TIAM2: variants seen among roughly 807,000 people sequenced by gnomAD.
TIAM2 encodes rho guanine nucleotide exchange factor TIAM2.
TIAM2 carries 80 observed loss-of-function variants against 152.9 expected under a neutral mutation model. The ratio of observed to expected loss-of-function variants is 0.52; its 90% confidence interval spans 0.44 to 0.63. The LOEUF (loss-of-function observed/expected upper bound fraction) is 0.63, where lower values mean the gene tolerates loss of function less well. Among genes scored for constraint, TIAM2 ranks in the 30% least tolerant of loss-of-function variants. The pLI, the probability that TIAM2 is intolerant of heterozygous loss-of-function variation, is 0.00. For synonymous variants in TIAM2, 804 were observed against 838.0 expected, an observed-to-expected ratio of 0.96 and a Z score of 0.70; for missense variants, 1,965 against 2,120.1, an observed-to-expected ratio of 0.93 and a Z score of 1.44.
intron 14 of TIAM2, among the ~76,000 whole-genome samples, chr6:155,194,002 G>C (rs1448327500): frequency 6.6e-6 from 1 of 152,186 alleles, no homozygotes; most frequent in Non-Finnish European, 1.5e-5. Flanking sequence ...GTGACCCCAG[G>C]AGTCTACAGA....
intron 2 of TIAM2, among the ~76,000 whole-genome samples, chr6:155,107,610 CA>C (rs1778727204): frequency 6.6e-6 from 1 of 152,176 alleles, no homozygotes; most frequent in Non-Finnish European, 1.5e-5. Flanking sequence ...ATCATCTCAT[CA>C]GGGCTTAATT....
intron 1 of TIAM2, among the ~76,000 whole-genome samples, chr6:155,033,499 C>T (rs1363471318): frequency 2.0e-5 from 3 of 151,970 alleles, no homozygotes; most frequent in East Asian, 1.9e-4. Flanking sequence ...CAGCAGGTTT[C>T]GCAGGTTTAA....
chr6:155,110,684 A>G (rs1778818170), intron 2 of TIAM2, among the ~76,000 whole-genome samples: 1 of 152,240 alleles, frequency 6.6e-6, no homozygotes, highest in South Asian at 2.1e-4. Flanking sequence ...TGCCTTACAA[A>G]AAAGAAGCCC....
Position 155,240,537 on chromosome 6 carries a change from A to T in TIAM2, c.3176A>T (p.Glu1059Val), listed in dbSNP as rs770742549. Residue 1059 changes from glutamate (E) to valine (V), a missense_variant, in exon 16 of 27, where the codon GAG (glutamate) becomes GTG (valine). Coordinates refer to ENST00000682666, the MANE Select transcript of TIAM2 (RefSeq NM_012454.4). ...CCTCTTGTCCTCTCTCAGAGTGCTG[A>T]GCAGATCACTGCACTGTGCAGGAGT... ...EKMEQTFRSA[E>V]QITALCRSFN... The T allele has an allele frequency of 1.2e-6, 2 of 1,611,828 alleles. No individual in the cohort carries two copies. Among genetic ancestry groups the T allele is most frequent in the Non-Finnish European group, 1.7e-6 (2 of 1,178,494 alleles).
intron 1 of TIAM2, among the ~76,000 whole-genome samples, chr6:155,045,482 T>G (rs1313507766): frequency 6.6e-6 from 1 of 152,166 alleles, no homozygotes; most frequent in African/African-American, 2.4e-5. Context: ...TTCTGTTCCA[T>G]AAATTGTTTC....
chr6:154,999,191 T>C (rs559092196), intron 1 of TIAM2, among the ~76,000 whole-genome samples: 5 of 136,392 alleles, frequency 3.7e-5, no homozygotes, highest in African/African-American at 1.3e-4. Context: ...ACATTTGATA[T>C]GCTATAGGAA....
At chr6:155,043,633 C>CAA (rs60093259) in intron 1 of TIAM2, among the ~76,000 whole-genome samples, 7,729 of 49,828 alleles carry the variant, frequency 0.16, 772 homozygotes, top group East Asian at 0.3. Flanking sequence ...GACCCTGTCT[C>CAA]AAAAAAAAAA....
At chr6:155,117,282 T>TGG (rs1170737808) in intron 2 of TIAM2, among the ~76,000 whole-genome samples, 1 of 151,710 alleles carries the variant, frequency 6.6e-6, no homozygotes, top group African/African-American at 2.4e-5. Flanking sequence ...TGAAAGTGTG[T>TGG]GTGTGTTTAA....
intron 1 of TIAM2, among the ~76,000 whole-genome samples, chr6:155,000,953 C>G (rs941744004): frequency 6.6e-6 from 1 of 152,144 alleles, no homozygotes; most frequent in Non-Finnish European, 1.5e-5. Context: ...CACTGCACTC[C>G]AGCCTGGGCG....
intron 14 of TIAM2, among the ~76,000 whole-genome samples, chr6:155,198,460 C>G (rs970738738): frequency 2.0e-5 from 3 of 151,922 alleles, no homozygotes; most frequent in Non-Finnish European, 4.4e-5. Context: ...GTCAGGAGTT[C>G]GAGACCAGCC....
chr6:155,257,395 A>ATAAT lies in TIAM2; in HGVS notation c.*278_*281dup. 1 of 403,642 alleles carries ATAAT rather than the reference A, an allele frequency of 2.5e-6. No homozygotes were observed. The highest frequency in any genetic ancestry group is 4.3e-5 in the Admixed American group (1 of 23,006). 25.0% of individuals were successfully genotyped at this position (403,642 alleles called of 1,614,324 possible). A position where few individuals can be genotyped will look rare whatever the true frequency, so the allele number is the denominator to read the frequency against. On this transcript the variant is annotated 3_prime_UTR_variant, in exon 27 of 27. Transcript: ENST00000682666. ...TTAGGATCCTTAAAATTACATTCTA[A>ATAAT]TAATTAAGTTATGTGGAAAAAGTAA...
chr6:155,003,505 C>T (rs1001058988), intron 1 of TIAM2, among the ~76,000 whole-genome samples: 2 of 152,070 alleles, frequency 1.3e-5, no homozygotes, highest in African/African-American at 4.8e-5. Context: ...TTACTTGTCC[C>T]CATTTTCACA....
At chr6:155,068,083 A>G (rs147957717) in intron 1 of TIAM2, among the ~76,000 whole-genome samples, 2 of 152,308 alleles carry the variant, frequency 1.3e-5, no homozygotes, top group East Asian at 1.9e-4. Context: ...CTTAGTATAG[A>G]CAGTTACACC....
intron 7 of TIAM2, among the ~76,000 whole-genome samples, chr6:155,157,701 T>C (rs1351330302): frequency 6.6e-6 from 1 of 152,136 alleles, no homozygotes; most frequent in Non-Finnish European, 1.5e-5. Flanking sequence ...AGCTGGTAAG[T>C]GGTAGAGCTG....
At chr6:155,219,485 G>A (rs984189954) in intron 15 of TIAM2, among the ~76,000 whole-genome samples, 1 of 152,216 alleles carries the variant, frequency 6.6e-6, no homozygotes, top group Non-Finnish European at 1.5e-5. Flanking sequence ...CAGCCCATAT[G>A]CCTTATTCTG....
In TIAM2 at chr6:155,213,532, C is replaced by T. The variant is rs1266216940; in HGVS notation, c.3168+2225C>T. Among the ~76,000 whole-genome samples, 1 of 152,182 alleles carries T rather than the reference C, an allele frequency of 6.6e-6. No individual in the cohort carries two copies. Among genetic ancestry groups the T allele is most frequent in the Non-Finnish European group, 1.5e-5 (1 of 68,030 alleles). Reference sequence around the variant, plus strand: ...ATGTGCACTGATTGGTCCATAGTGGCCATGAGCAGACCCAGAAAAAGCTCC... The same window carrying T: ...ATGTGCACTGATTGGTCCATAGTGGTCATGAGCAGACCCAGAAAAAGCTCC... On this transcript the variant is annotated intron_variant, in intron 15 of 26. Transcript: ENST00000682666. The surrounding 1 kb of genome is among the most constrained non-coding windows in gnomAD (Gnocchi z 4.2).
rs1780508526 is a variant in TIAM2 at position 155,168,935 on chromosome 6, G to A, written c.2361+3526G>A. 4 of 1,516,430 alleles carry A rather than the reference G, an allele frequency of 2.6e-6. No homozygotes were observed. In the African/African-American group the frequency reaches 5.6e-5, roughly 21 times the overall value. The allele number at this position is 1,516,430 out of a possible 1,614,324, so 93.9% of individuals were successfully genotyped here. On this transcript the variant is annotated intron_variant, in intron 9 of 26. Transcript: ENST00000682666. The stretch of plus-strand genomic sequence containing the variant: ...CAGTGAGGTAAACTTTGCTATAGAT[G>A]GCCGCCATCTTGTTTTACATGAATG...
intron 15 of TIAM2, among the ~76,000 whole-genome samples, chr6:155,217,378 T>C (rs1781886205): frequency 6.6e-6 from 1 of 152,252 alleles, no homozygotes; most frequent in African/African-American, 2.4e-5. Flanking sequence ...CCGAAATAGT[T>C]CTTTCTTTTT....
intron 1 of TIAM2, among the ~76,000 whole-genome samples, chr6:155,082,666 C>CAATCAATAAATAAATA (rs1554228916): frequency 1.4e-5 from 2 of 141,348 alleles, no homozygotes; most frequent in Non-Finnish European, 3.0e-5. Context: ...AAAAAAACCC[C>CAATCAATAAATAAATA]AATAAATAAA....
Sources: gnomAD v4.1 joint callset for allele counts (sites outside exome capture counted in the v4.1 genomes callset) on GRCh38, gnomAD v4.1.1 for gene constraint, Gnocchi (gnomAD v3.1) non-coding constraint, MANE v1.5 for transcripts, NCBI Gene and HGNC (gene_info 2026-07-23, HGNC 2026-07-21) for gene names.